The following INPP1 variants were observed in gnomAD, a reference collection of about 807,000 sequenced individuals.
INPP1 encodes the protein inositol polyphosphate-1-phosphatase, also known as inositol polyphosphate 1-phosphatase.
Under a neutral mutation model 23.0 loss-of-function variants are expected in INPP1, and 18 were observed. That is an observed-to-expected ratio of 0.78 (90% CI 0.54 to 1.16). The LOEUF is 1.16. Ranked by LOEUF, INPP1 falls within the 50% of genes most tolerant of loss-of-function variation. The probability of loss-of-function intolerance (pLI) is 0.00; values close to 1 mark genes in which losing one functional copy is unlikely to be tolerated. For synonymous variants in INPP1, 164 were observed against 176.3 expected (o/e 0.93, Z 0.55); for missense variants, 448 against 482.1 (o/e 0.93, Z 0.66).
At position 190,348,710 on chromosome 2, in the gene INPP1, G is replaced by A. The variant is rs180867062; in HGVS notation, c.-208-178G>A. 3.3e-5 allele frequency among the ~76,000 whole-genome samples: 5 copies of A among 152,266 alleles called. No individual in the cohort carries two copies. In the East Asian group the frequency reaches 9.6e-4, roughly 29 times the overall value. ...AAGTTTCATCCATGTTGTAGCATGTGTCAGAATTTCCTTTCTTTTTAAGGC... is the reference window on the plus strand; with the variant it reads ...AAGTTTCATCCATGTTGTAGCATGTATCAGAATTTCCTTTCTTTTTAAGGC... On this transcript the variant is annotated intron_variant, in intron 1 of 6. Coordinates refer to ENST00000392329, the MANE Select transcript of INPP1 (RefSeq NM_001128928.2).
intron 4 of INPP1, among the ~76,000 whole-genome samples, chr2:190,366,373 CTCTG>C (rs904689267): frequency 1.2e-4 from 18 of 150,474 alleles, no homozygotes; most frequent in Non-Finnish European, 1.6e-4. Context: ...CACTCTTTTG[CTCTG>C]TCTCTTTCAC....
chr2:190,363,189 A>G lies in INPP1; in HGVS notation c.265+502A>G, dbSNP rs1036550302. On this transcript the variant is annotated intron_variant, in intron 4 of 6. Transcript: ENST00000392329. The surrounding 1 kb of genome is among the most constrained non-coding windows in gnomAD (Gnocchi z 4.4). ...TCTCTAAGTCTCAGAACCTCTGTGA[A>G]GTACTTGGATTAACTAAAAGATTCC... Among the ~76,000 whole-genome samples, 1 of 152,188 alleles carries G rather than the reference A, an allele frequency of 6.6e-6. No homozygotes were observed. The highest frequency in any genetic ancestry group is 1.9e-4 in the East Asian group (1 of 5,190).
Position 190,365,035 on chromosome 2 carries a change from G to A in INPP1, c.266-1660G>A, listed in dbSNP as rs1689616997. On this transcript the variant is annotated intron_variant, in intron 4 of 6. Transcript: ENST00000392329. ...TATCTAAAACGTTCCAAAGTGCCAT[G>A]TTTTCTTAGTTTTTAAGATTTTTTT... 3.0e-5 allele frequency: 5 copies of A among 166,862 alleles called. No homozygotes were observed. The Admixed American group carries it at 3.3e-4, about 11-fold the overall frequency. The allele number at this position is 166,862 out of a possible 1,614,324, so 10.3% of individuals were successfully genotyped here. A position where few individuals can be genotyped will look rare whatever the true frequency, so the allele number is the denominator to read the frequency against.
At chr2:190,353,508 CTG>C (rs1689361986) in intron 2 of INPP1, among the ~76,000 whole-genome samples, 1 of 152,194 alleles carries the variant, frequency 6.6e-6, no homozygotes, top group Non-Finnish European at 1.5e-5. Flanking sequence ...AGACATGTGA[CTG>C]TGGTTTCTGT....
intron 4 of INPP1, among the ~76,000 whole-genome samples, chr2:190,364,374 CT>C (rs1689596025): frequency 6.6e-6 from 1 of 151,526 alleles, no homozygotes; most frequent in Admixed American, 6.6e-5. Context: ...CCCGTCTCTA[CT>C]TAAAAAATAC....
chr2:190,351,375 C>A (rs1689320502), intron 2 of INPP1, among the ~76,000 whole-genome samples: 1 of 152,214 alleles, frequency 6.6e-6, no homozygotes, highest in African/African-American at 2.4e-5. Context: ...CATTAGGAAT[C>A]TCAGCAGTTA....
At position 190,368,310 on chromosome 2, in the gene INPP1, C is replaced by T. The variant is rs1689725547; in HGVS notation, c.467-793C>T. Among the ~76,000 whole-genome samples, 1 of 152,164 alleles carries T rather than the reference C, an allele frequency of 6.6e-6. No homozygotes were observed. The highest frequency in any genetic ancestry group is 2.4e-5 in the African/African-American group (1 of 41,438). On this transcript the variant is annotated intron_variant, in intron 5 of 6. Coordinates refer to ENST00000392329, the MANE Select transcript of INPP1 (RefSeq NM_001128928.2). This position sits in a 1 kb window ranked among gnomAD's most constrained non-coding sequence, Gnocchi z 4.3. ...GGCATGTACATCTCTTAAGGGGAAACCTAGTTTCTCTGCCTCTGTTTCATA... is the reference window on the plus strand; with the variant it reads ...GGCATGTACATCTCTTAAGGGGAAATCTAGTTTCTCTGCCTCTGTTTCATA...
chr2:190,370,845 T>C lies in INPP1; in HGVS notation c.643T>C (p.Trp215Arg). ...CCAATTGAAATTTTTCTTCTACAGG[T>C]GGAAAGGACAGTGCTATTGGGGCCT... The part of the protein sequence containing the change: ...FVSRDPNTLR[W>R]KGQCYWGLSY... The change falls in exon 7 of 7, where the codon TGG becomes CGG. Residue 215 changes from tryptophan (W) to arginine (R), a missense_variant and splice_region_variant. Trp to Arg is a moderately radical substitution (Grantham distance 101). Transcript: ENST00000392329. 7.6e-6 allele frequency: 12 copies of C among 1,571,892 alleles called. No individual in the cohort carries two copies. The highest frequency in any genetic ancestry group is 1.0e-5 in the Non-Finnish European group (12 of 1,157,820).
At position 190,355,662 on chromosome 2, in the gene INPP1, G is replaced by A. The variant is rs1689407260; in HGVS notation, c.-64-4377G>A. On this transcript the variant is annotated intron_variant, in intron 2 of 6. Coordinates refer to ENST00000392329, the MANE Select transcript of INPP1 (RefSeq NM_001128928.2). The surrounding 1 kb of genome is among the most constrained non-coding windows in gnomAD (Gnocchi z 5.1). ...CTAATCAAAAGGAATTTCTTCTATA[G>A]TCAAGGCTATTAAATTATGGTAAAT... Among the ~76,000 whole-genome samples the A allele has an allele frequency of 6.6e-6, 1 of 152,176 alleles. No homozygotes were observed. Among genetic ancestry groups the A allele is most frequent in the Non-Finnish European group, 1.5e-5 (1 of 68,028 alleles).
At position 190,346,032 on chromosome 2, in the gene INPP1, T is replaced by C. The variant is rs938014795; in HGVS notation, c.-209+2071T>C. ...TAAGTTAAAATTAAAAAAATAAAAG[T>C]TCTGCTTCCCGTCTCCTGTGATTGA... is the stretch of plus-strand genomic sequence containing the variant. On this transcript the variant is annotated intron_variant, in intron 1 of 6. Transcript: ENST00000392329. The surrounding 1 kb of genome is among the most constrained non-coding windows in gnomAD (Gnocchi z 5.1). Among the ~76,000 whole-genome samples, 1 of 152,052 alleles carries C rather than the reference T, an allele frequency of 6.6e-6. No homozygotes were observed. Among genetic ancestry groups the C allele is most frequent in the Non-Finnish European group, 1.5e-5 (1 of 67,994 alleles).
intron 1 of INPP1, 102 bp downstream of exon 1, chr2:190,344,063 G>A (rs1308348379): frequency 3.1e-6 from 1 of 323,754 alleles, no homozygotes; most frequent in Admixed American, 4.1e-5. Context: ...GCGCGCCGTC[G>A]CCTCTCCGCG....
intron 2 of INPP1, among the ~76,000 whole-genome samples, chr2:190,357,750 G>T (rs1158583390): frequency 6.6e-6 from 1 of 152,190 alleles, no homozygotes; most frequent in Non-Finnish European, 1.5e-5. Flanking sequence ...ACACATTTTT[G>T]TCAAATTGCC....
chr2:190,362,632 A>G lies in INPP1; in HGVS notation c.210A>G (p.Pro70=). The G allele has an allele frequency of 6.2e-7, 1 of 1,606,572 alleles. No individual in the cohort carries two copies. Among genetic ancestry groups the G allele is most frequent in the Admixed American group, 1.7e-5 (1 of 59,514 alleles). ...TCATACTCTGAATCATTCAGTTTCC[A>G]GGCTTGGAAAAAAATATTTTTGGAG... The part of the protein sequence containing the change: ...VIKQNMENKF[P]GLEKNIFGEE... The change falls in exon 4 of 7, where the codon CCA becomes CCG. Residue 70 remains proline (P), a synonymous_variant. Coordinates refer to ENST00000392329, the MANE Select transcript of INPP1 (RefSeq NM_001128928.2).
chr2:190,358,132 T>C (rs1689455402), intron 2 of INPP1, among the ~76,000 whole-genome samples: 1 of 145,914 alleles, frequency 6.9e-6, no homozygotes, highest in Non-Finnish European at 1.5e-5. Context: ...CAGGCTGGAG[T>C]GCAGTGGCGT....
In INPP1 at chr2:190,356,052, CA is replaced by C. The variant is rs923819103; in HGVS notation, c.-64-3984del. On this transcript the variant is annotated intron_variant, in intron 2 of 6. Transcript: ENST00000392329. The surrounding 1 kb of genome is among the most constrained non-coding windows in gnomAD (Gnocchi z 6.4). ...ATGTAGCCTTCAGTTTCTCCATAGA[CA>C]AATTATTTCAAGTTGAGCCATTCAA... Among the ~76,000 whole-genome samples the C allele has an allele frequency of 3.3e-5, 5 of 152,134 alleles. No homozygotes were observed. The highest frequency in any genetic ancestry group is 7.4e-5 in the Non-Finnish European group (5 of 68,026).
rs1349235461 is a variant in INPP1 at position 190,354,074 on chromosome 2, C to T, written c.-65+5043C>T. The stretch of plus-strand genomic sequence containing the variant: ...TTGGTTTGAGATGGAAGGAATGAAA[C>T]TTCTTTAAGCCCATTTTGCTGAAAT... On this transcript the variant is annotated intron_variant, in intron 2 of 6. Coordinates refer to ENST00000392329, the MANE Select transcript of INPP1 (RefSeq NM_001128928.2). This position sits in a 1 kb window ranked among gnomAD's most constrained non-coding sequence, Gnocchi z 4.8. Among the ~76,000 whole-genome samples the T allele has an allele frequency of 6.6e-6, 1 of 152,160 alleles. No homozygotes were observed. Among genetic ancestry groups the T allele is most frequent in the African/African-American group, 2.4e-5 (1 of 41,436 alleles).
chr2:190,369,068 T>C (rs1284391863), intron 5 of INPP1, 35 bp from the exon 6 acceptor site: 1 of 1,374,214 alleles, frequency 7.3e-7, no homozygotes, highest in Non-Finnish European at 1.0e-6. Context: ...AAATGATCTT[T>C]ACCTGAATCC....
intron 4 of INPP1, chr2:190,365,180 C>T (rs912236781): frequency 4.1e-5 from 7 of 169,050 alleles, no homozygotes; most frequent in East Asian, 1.9e-4. Context: ...ATGTTTAAAG[C>T]GATGGTAAAG....
chr2:190,352,348 G>A lies in INPP1; in HGVS notation c.-65+3317G>A, dbSNP rs73981071. Reference sequence around the variant, plus strand: ...CGGATCAACATGAAATAAGACCCAGGAAGTACAGGCAGTCCCAAACTGTAA... The same window carrying A: ...CGGATCAACATGAAATAAGACCCAGAAAGTACAGGCAGTCCCAAACTGTAA... On this transcript the variant is annotated intron_variant, in intron 2 of 6. Transcript: ENST00000392329. The surrounding 1 kb of genome is among the most constrained non-coding windows in gnomAD (Gnocchi z 4.7). Among the ~76,000 whole-genome samples, 3,068 of 152,286 alleles carry A rather than the reference G, an allele frequency of 0.02. 107 individuals carry two copies. The highest frequency in any genetic ancestry group is 0.069 in the African/African-American group (2,857 of 41,544).
Sources: gnomAD v4.1 joint callset for allele counts (sites outside exome capture counted in the v4.1 genomes callset) on GRCh38, gnomAD v4.1.1 for gene constraint, Gnocchi (gnomAD v3.1) non-coding constraint, MANE v1.5 for transcripts, NCBI Gene and HGNC (gene_info 2026-07-23, HGNC 2026-07-21) for gene names.